The following ZNF362 variants were observed in gnomAD, a reference collection of about 807,000 sequenced individuals.
The protein encoded by ZNF362 is zinc finger protein 362, also known as rotund homolog.
ZNF362 carries 11 observed loss-of-function variants against 42.9 expected under a neutral mutation model. The observed-to-expected ratio is 0.26, with a 90% CI of 0.16 to 0.42. The LOEUF (loss-of-function observed/expected upper bound fraction) is 0.42. ZNF362 is among the 20% of genes least tolerant of loss of function. The pLI, the probability that ZNF362 is intolerant of heterozygous loss-of-function variation, is 1.00. For synonymous variants in ZNF362, 255 were observed against 257.3 expected (o/e 0.99, Z 0.09); for missense variants, 362 against 576.2 (o/e 0.63, Z 3.81).
the ZNF362 span, among the ~76,000 whole-genome samples, chr1:33,156,812 C>T: frequency 6.6e-6 from 1 of 152,160 alleles, no homozygotes; most frequent in African/African-American, 2.4e-5. Context: ...TCCTTTTAGT[C>T]ACTTTGGCTG....
chr1:33,197,114 C>G, the ZNF362 span, among the ~76,000 whole-genome samples: 1 of 152,214 alleles, frequency 6.6e-6, no homozygotes, highest in African/African-American at 2.4e-5. Context: ...TCCTCCTGCT[C>G]TTGGACATCA....
the ZNF362 span, among the ~76,000 whole-genome samples, chr1:33,222,505 A>G: frequency 6.6e-6 from 1 of 152,168 alleles, no homozygotes; most frequent in Admixed American, 6.5e-5. Context: ...ATCTTTTAAA[A>G]ACATGAATCA....
chr1:33,239,254 C>CT, the ZNF362 span, among the ~76,000 whole-genome samples: 2 of 152,138 alleles, frequency 1.3e-5, no homozygotes, highest in Admixed American at 1.3e-4. Context: ...GATTTGCTGT[C>CT]TCCTGTTCCA....
the ZNF362 span, chr1:33,181,001 C>T: frequency 1.8e-6 from 2 of 1,134,510 alleles, no homozygotes; most frequent in Admixed American, 2.1e-5. The surrounding 1 kb of genome is among the most constrained non-coding windows in gnomAD (Gnocchi z 6.5). Flanking sequence ...CCCGCCCCTT[C>T]CCCAGGCAGG....
the ZNF362 span, among the ~76,000 whole-genome samples, chr1:33,152,763 G>C: frequency 7.2e-5 from 11 of 152,176 alleles, no homozygotes; most frequent in African/African-American, 2.4e-4. Flanking sequence ...CTGGGGCTCT[G>C]AGAGGGGAGT....
In ZNF362 at chr1:33,280,220, C is replaced by T. The variant is rs770180996; in HGVS notation, c.446C>T (p.Thr149Ile). The part of the protein sequence containing the change: ...GTGTSTPSTP[T>I]TTSQSRLIAS... ...GGTACCAGCACCCCGTCCACACCCA[C>T]CACCACCAGCCAGAGCCGCCTCATC... Residue 149 changes from threonine to isoleucine, a missense_variant, in exon 5 of 9, where the codon ACC (threonine) becomes ATC (isoleucine). This residue lies in a region of ZNF362 where 266 missense variants were observed against 365.4 expected (regional missense o/e 0.73). Coordinates refer to ENST00000539719, the MANE Select transcript of ZNF362 (RefSeq NM_152493.3). This position sits in a 1 kb window ranked among gnomAD's most constrained non-coding sequence, Gnocchi z 5.6. The T allele has an allele frequency of 2.2e-5, 36 of 1,613,868 alleles. No homozygotes were observed. The highest frequency in any genetic ancestry group is 2.9e-5 in the Non-Finnish European group (34 of 1,179,914).
chr1:33,267,772 C>T (rs1034664876), intron 1 of ZNF362, among the ~76,000 whole-genome samples: 1 of 152,148 alleles, frequency 6.6e-6, no homozygotes, highest in Non-Finnish European at 1.5e-5. Flanking sequence ...TTTAAAATTT[C>T]GGCTGTTCCA....
At chr1:33,235,918 A>G in the ZNF362 span, among the ~76,000 whole-genome samples, 2 of 152,212 alleles carry the variant, frequency 1.3e-5, no homozygotes, top group African/African-American at 2.4e-5. Flanking sequence ...GGGTTTGCAC[A>G]GCACAGAAAT....
At chr1:33,269,845 A>G (rs1341365189) in intron 1 of ZNF362, among the ~76,000 whole-genome samples, 2 of 151,372 alleles carry the variant, frequency 1.3e-5, no homozygotes, top group Non-Finnish European at 1.5e-5. Context: ...CTTTCTGTCC[A>G]TTTGTCTAGG....
chr1:33,212,527 G>A, the ZNF362 span, among the ~76,000 whole-genome samples: 1 of 152,160 alleles, frequency 6.6e-6, no homozygotes, highest in East Asian at 1.9e-4. Context: ...AGTACTGCAG[G>A]CTGTACAGGA....
chr1:33,240,511 A>G, the ZNF362 span, among the ~76,000 whole-genome samples: 3 of 152,238 alleles, frequency 2.0e-5, no homozygotes, highest in Admixed American at 2.0e-4. Flanking sequence ...ATACATATGT[A>G]CAATTCACAT....
At position 33,280,260 on chromosome 1, in the gene ZNF362, C is replaced by T. The variant is rs1446847906; in HGVS notation, c.486C>T (p.Thr162=). The part of the protein sequence containing the change: ...SQSRLIASSP[T]LISGITSPPL... ...GCCGCCTCATCGCCTCGTCCCCCAC[C>T]CTCATCTCAGGGATCACCAGCCCCC... The change falls in exon 5 of 9, where the codon ACC becomes ACT. Residue 162 remains threonine (T), a synonymous_variant. Coordinates refer to ENST00000539719, the MANE Select transcript of ZNF362 (RefSeq NM_152493.3). This position sits in a 1 kb window ranked among gnomAD's most constrained non-coding sequence, Gnocchi z 5.6. 2 of 1,613,962 alleles carry T rather than the reference C, an allele frequency of 1.2e-6. No homozygotes were observed. The highest frequency in any genetic ancestry group is 1.7e-5 in the Admixed American group (1 of 60,010).
At chr1:33,135,726 T>C in the ZNF362 span, among the ~76,000 whole-genome samples, 1 of 152,258 alleles carries the variant, frequency 6.6e-6, no homozygotes, top group East Asian at 1.9e-4. Context: ...ACCTCTTCTC[T>C]TGAGTTCCTG....
chr1:33,188,563 C>T, the ZNF362 span, among the ~76,000 whole-genome samples: 136 of 152,270 alleles, frequency 8.9e-4, no homozygotes, highest in Non-Finnish European at 1.4e-3. Context: ...TGGTTGGGTC[C>T]AGTGTAATCA....
At chr1:33,238,513 G>T in the ZNF362 span, among the ~76,000 whole-genome samples, 1 of 152,120 alleles carries the variant, frequency 6.6e-6, no homozygotes, top group Non-Finnish European at 1.5e-5. Flanking sequence ...AAAGTGAGGT[G>T]CTGTGATTGG....
the ZNF362 span, among the ~76,000 whole-genome samples, chr1:33,143,796 C>T: frequency 1.3e-5 from 2 of 152,260 alleles, no homozygotes; most frequent in Non-Finnish European, 2.9e-5. Flanking sequence ...CCCTTGCACA[C>T]TGCAGAGAGC....
At position 33,300,628 on chromosome 1, in the gene ZNF362, A is replaced by G. The variant is rs901366300; in HGVS notation, c.*1582A>G. The G allele has an allele frequency of 3.9e-5, 6 of 152,060 alleles. No homozygotes were observed. In the East Asian group the frequency reaches 9.7e-4, roughly 25 times the overall value. The allele number at this position is 152,060 out of a possible 1,614,324, so 9.4% of individuals were successfully genotyped here. ...GCAAATGAAAATCAAATGTGGGGGG[A>G]AAACACTAAAGGGGGCAAGAAACAA... is the stretch of plus-strand genomic sequence containing the variant. On this transcript the variant is annotated 3_prime_UTR_variant, in exon 9 of 9. Transcript: ENST00000539719.
At chr1:33,228,222 T>C in the ZNF362 span, among the ~76,000 whole-genome samples, 3 of 152,170 alleles carry the variant, frequency 2.0e-5, no homozygotes, top group Non-Finnish European at 4.4e-5. Context: ...CTCCTGCTCC[T>C]GTGCCCTCCA....
chr1:33,236,550 A>AAAAAATATATATATATATATATAT, the ZNF362 span, among the ~76,000 whole-genome samples: 3 of 5,978 alleles, frequency 5.0e-4, no homozygotes, highest in Admixed American at 4.2e-3. Context: ...AAAAAAAAAA[A>AAAAAATATATATATATATATATAT]ATATATATAT....
Sources: allele counts gnomAD v4.1 joint callset (sites outside exome capture counted in the v4.1 genomes callset), GRCh38; gene constraint gnomAD v4.1.1; regional missense constraint gnomAD v4.1.1; non-coding constraint Gnocchi (gnomAD v3.1); transcripts MANE v1.5; gene names NCBI Gene and HGNC (gene_info 2026-07-23, HGNC 2026-07-21).